Variants in AGBL1 observed in about 807,000 individuals in gnomAD.
AGBL1 encodes AGBL carboxypeptidase 1, also known as cytosolic carboxypeptidase 4.
AGBL1 carries 130 observed loss-of-function variants against 118.9 expected under a neutral mutation model. That is an observed-to-expected ratio of 1.09 (90% CI 0.95 to 1.26). The LOEUF (loss-of-function observed/expected upper bound fraction) is 1.26. Ranked by LOEUF, AGBL1 falls within the 50% of genes most tolerant of loss-of-function variation. The pLI is 0.00. For synonymous variants in AGBL1, 555 were observed against 478.9 expected (o/e 1.16, Z -2.08); for missense variants, 1,584 against 1,298.1 (o/e 1.22, Z -3.38).
At chr15:86,259,603 T>C (rs1350281860) in intron 9 of AGBL1, among the ~76,000 whole-genome samples, 1 of 152,228 alleles carries the variant, frequency 6.6e-6, no homozygotes, top group African/African-American at 2.4e-5. Flanking sequence ...AAGCTACATC[T>C]ATAGGTTTAG....
At chr15:86,132,665 G>A (rs1420629784) in intron 1 of AGBL1, among the ~76,000 whole-genome samples, 3 of 152,176 alleles carry the variant, frequency 2.0e-5, no homozygotes, top group Non-Finnish European at 2.9e-5. Context: ...TTTTAGGCAT[G>A]TGAGGTTGTT....
chr15:86,097,793 T>C (rs1362452871), intron 1 of AGBL1, among the ~76,000 whole-genome samples: 1 of 152,120 alleles, frequency 6.6e-6, no homozygotes, highest in Non-Finnish European at 1.5e-5. Flanking sequence ...GATGCAGGTA[T>C]CTCTTTGATA....
In AGBL1 at chr15:86,733,027, C is replaced by G. The variant is rs116573715; in HGVS notation, c.3158+58591C>G. On this transcript the variant is annotated intron_variant, in intron 22 of 22. Transcript: ENST00000614907. ...TATATAATATCTCTATATATTAATA[C>G]TATATACATGTATATCCCGTATATA... Among the ~76,000 whole-genome samples, 906 of 148,190 alleles carry G rather than the reference C, an allele frequency of 6.1e-3. 9 individuals are homozygous for G. Among genetic ancestry groups the G allele is most frequent in the African/African-American group, 0.021 (858 of 40,724 alleles).
intron 22 of AGBL1, among the ~76,000 whole-genome samples, chr15:86,707,192 C>T (rs971658936): frequency 1.3e-5 from 2 of 152,118 alleles, no homozygotes; most frequent in East Asian, 3.9e-4. Context: ...TGTCTCTTCT[C>T]ATAACACTAC....
chr15:86,206,886 A>G (rs1332934949), intron 5 of AGBL1, among the ~76,000 whole-genome samples: 1 of 152,166 alleles, frequency 6.6e-6, no homozygotes, highest in East Asian at 1.9e-4. Context: ...GTCCTTGTCT[A>G]TGCCTGTGTC....
chr15:86,357,031 C>G (rs1034332733), intron 17 of AGBL1, among the ~76,000 whole-genome samples: 11 of 152,186 alleles, frequency 7.2e-5, no homozygotes, highest in African/African-American at 2.7e-4. Flanking sequence ...AACATTGGCA[C>G]TACCAGCGTA....
chr15:86,213,058 TCAC>T (rs1319051753), intron 5 of AGBL1, among the ~76,000 whole-genome samples: 1 of 152,176 alleles, frequency 6.6e-6, no homozygotes, highest in Admixed American at 6.5e-5. Flanking sequence ...CAAGGAGTGA[TCAC>T]CAAATCATTG....
At chr15:86,164,481 C>T (rs1193174569) in intron 5 of AGBL1, among the ~76,000 whole-genome samples, 1 of 152,186 alleles carries the variant, frequency 6.6e-6, no homozygotes, top group Non-Finnish European at 1.5e-5. Context: ...CACGTCTCAA[C>T]ACTTTCTGCG....
intron 24 of AGBL1, among the ~76,000 whole-genome samples, chr15:86,994,110 A>C (rs2081357340): frequency 6.6e-6 from 1 of 152,160 alleles, no homozygotes; most frequent in Non-Finnish European, 1.5e-5. Context: ...GAGACCACTG[A>C]AAGAGGAAGC....
At chr15:86,275,514 A>T (rs1024356175) in intron 15 of AGBL1, among the ~76,000 whole-genome samples, 2 of 152,148 alleles carry the variant, frequency 1.3e-5, no homozygotes, top group African/African-American at 2.4e-5. Context: ...GCATTTGCTT[A>T]TTTTATGCAC....
At chr15:86,922,433 G>A (rs765833840) in intron 23 of AGBL1, among the ~76,000 whole-genome samples, 1 of 152,146 alleles carries the variant, frequency 6.6e-6, no homozygotes, top group African/African-American at 2.4e-5. Flanking sequence ...TGGGATTACA[G>A]GCATGTGCCA....
At chr15:86,934,292 T>C (rs189334457) in intron 23 of AGBL1, among the ~76,000 whole-genome samples, 31 of 152,334 alleles carry the variant, frequency 2.0e-4, no homozygotes, top group African/African-American at 7.2e-4. Flanking sequence ...TTATTCCTTA[T>C]TTTATCTCTT....
intron 22 of AGBL1, among the ~76,000 whole-genome samples, chr15:86,684,684 G>T (rs1260078289): frequency 6.6e-6 from 1 of 152,074 alleles, no homozygotes; most frequent in Non-Finnish European, 1.5e-5. Context: ...CTGATTCAAA[G>T]TATTTCTGGG....
At chr15:86,753,397 C>CTTTTTTTTTTTTT (rs1555446759) in intron 22 of AGBL1, among the ~76,000 whole-genome samples, 2 of 111,278 alleles carry the variant, frequency 1.8e-5, no homozygotes, top group African/African-American at 3.3e-5. Context: ...TTTTCTTTTT[C>CTTTTTTTTTTTTT]TTTTTTTTTT....
chr15:86,264,715 T>C lies in AGBL1; in HGVS notation c.1544T>C (p.Met515Thr), dbSNP rs2079045904. 6.2e-7 allele frequency: 1 copy of C among 1,614,024 alleles called. No individual in the cohort carries two copies. Among genetic ancestry groups the C allele is most frequent in the African/African-American group, 1.3e-5 (1 of 75,056 alleles). The change falls in exon 11 of 23, where the codon ATG (methionine) becomes ACG (threonine). Residue 515 changes from methionine to threonine, a missense_variant. Physicochemically the swap from Met to Thr is moderately conservative, Grantham distance 81. Coordinates refer to ENST00000614907, the MANE Select transcript of AGBL1 (RefSeq NM_001386094.1). ...RVPFHDPYLYMAKARRTSSVV... is the reference protein window; with the variant it reads ...RVPFHDPYLYTAKARRTSSVV... Reference sequence around the variant, plus strand: ...CCTTTCCACGATCCCTATCTTTATATGGCCAAAGCCAGAAGAACCAGCTCT... The same window carrying C: ...CCTTTCCACGATCCCTATCTTTATACGGCCAAAGCCAGAAGAACCAGCTCT...
chr15:86,881,110 C>A (rs1424991949), intron 22 of AGBL1, among the ~76,000 whole-genome samples: 1 of 152,174 alleles, frequency 6.6e-6, no homozygotes, highest in Non-Finnish European at 1.5e-5. Context: ...TCCTTCCTCA[C>A]CAGACATGCT....
At chr15:87,012,192 T>TACACACACACACACACACAC (rs57985975) in intron 24 of AGBL1, among the ~76,000 whole-genome samples, 8 of 142,680 alleles carry the variant, frequency 5.6e-5, no homozygotes, top group African/African-American at 1.8e-4. Flanking sequence ...TACAAATTTA[T>TACACACACACACACACACAC]ACACACACAC....
Position 86,439,128 on chromosome 15 carries a change from A to G in AGBL1, c.2555+41582A>G, listed in dbSNP as rs544067244. ...GATGTCGTAATGGGGCAGTGTATAC[A>G]GGGGAGCAGCATCTCATCTCCTGCT... On this transcript the variant is annotated intron_variant, in intron 18 of 22. Coordinates refer to ENST00000614907, the MANE Select transcript of AGBL1 (RefSeq NM_001386094.1). Among the ~76,000 whole-genome samples the G allele has an allele frequency of 2.6e-5, 4 of 152,164 alleles. No homozygotes were observed. The East Asian group carries it at 7.7e-4, about 29-fold the overall frequency.
intron 23 of AGBL1, among the ~76,000 whole-genome samples, chr15:86,970,705 A>G (rs889266539): frequency 5.9e-5 from 9 of 152,054 alleles, no homozygotes; most frequent in Admixed American, 5.9e-4. Flanking sequence ...CAATTTACAA[A>G]ATTCAGTATG....
Sources: gnomAD v4.1 joint callset for allele counts (sites outside exome capture counted in the v4.1 genomes callset) on GRCh38, gnomAD v4.1.1 for gene constraint, MANE v1.5 for transcripts, NCBI Gene and HGNC (gene_info 2026-07-23, HGNC 2026-07-21) for gene names.